VRK3: variants seen among roughly 807,000 people sequenced by gnomAD.
The protein encoded by VRK3 is VRK serine/threonine kinase 3.
Under a neutral mutation model 60.4 loss-of-function variants are expected in VRK3, and 50 were observed. The ratio of observed to expected loss-of-function variants is 0.83; its 90% confidence interval spans 0.66 to 1.05. VRK3 has a LOEUF of 1.05. Ranked by LOEUF, VRK3 falls within the 50% of genes least tolerant of loss-of-function variation. VRK3 has a pLI of 0.00. For synonymous variants in VRK3, 246 were observed against 227.8 expected (o/e 1.08, Z -0.72); for missense variants, 549 against 585.3 (o/e 0.94, Z 0.64).
At chr19:50,002,214 A>G (rs567193848) in intron 5 of VRK3, among the ~76,000 whole-genome samples, 82 of 152,204 alleles carry the variant, frequency 5.4e-4, no homozygotes, top group African/African-American at 1.9e-3. Context: ...GGTATCGTCT[A>G]AGACACTGAG....
intron 6 of VRK3, chr19:50,000,185 G>A (rs1186125642): frequency 6.6e-6 from 1 of 152,654 alleles, no homozygotes; most frequent in East Asian, 1.9e-4. Context: ...TGATGGCGGG[G>A]CTATGAACCA....
Position 49,992,133 on chromosome 19 carries a change from C to T in VRK3, c.963+727G>A, listed in dbSNP as rs1400913748. On this transcript the variant is annotated intron_variant, in intron 10 of 14. Transcript: ENST00000316763. ...AAAAAACAGGTGCATTTTGGCCGGG[C>T]ACGGTGGCTCAGGCCTGTAATCCCA... Among the ~76,000 whole-genome samples, 5 of 152,084 alleles carry T rather than the reference C, an allele frequency of 3.3e-5. No homozygotes were observed. In the East Asian group the frequency reaches 9.6e-4, roughly 29 times the overall value.
At chr19:50,005,953 A>G (rs934689235) in intron 5 of VRK3, among the ~76,000 whole-genome samples, 1 of 149,092 alleles carries the variant, frequency 6.7e-6, no homozygotes, top group South Asian at 2.1e-4. Context: ...CGATGGTTGC[A>G]TAACACTCTG....
chr19:49,981,810 ACACG>A, intron 12 of VRK3: 1 of 1,126,578 alleles, frequency 8.9e-7, no homozygotes, highest in Non-Finnish European at 1.1e-6. Context: ...ACACACACAC[ACACG>A]CACACTGGTC....
At chr19:49,978,168 C>G (rs2076363190) in intron 14 of VRK3, among the ~76,000 whole-genome samples, 1 of 152,136 alleles carries the variant, frequency 6.6e-6, no homozygotes, top group Admixed American at 6.5e-5. Context: ...CACAGGATGT[C>G]AGGCAGCATC....
Position 50,004,636 on chromosome 19 carries a change from A to G in VRK3, c.547+2933T>C, listed in dbSNP as rs532997432. ...ACAGAGAGTTCCCAAAGTGTCTGGC[A>G]TGGGATCCTGCCTGTAATCCCAGCA... On this transcript the variant is annotated intron_variant, in intron 5 of 14. Coordinates refer to ENST00000316763, the MANE Select transcript of VRK3 (RefSeq NM_016440.4). 4.6e-5 allele frequency among the ~76,000 whole-genome samples: 7 copies of G among 152,254 alleles called. No homozygotes were observed. In the South Asian group the frequency reaches 1.5e-3, roughly 32 times the overall value.
intron 14 of VRK3, among the ~76,000 whole-genome samples, chr19:49,977,988 C>T (rs1378130232): frequency 1.3e-5 from 2 of 152,188 alleles, no homozygotes; most frequent in Non-Finnish European, 1.5e-5. Context: ...AATGCAGAAG[C>T]ACTTGTAATC....
chr19:50,001,800 G>C (rs1373891540), intron 5 of VRK3, among the ~76,000 whole-genome samples: 3 of 152,158 alleles, frequency 2.0e-5, no homozygotes, highest in African/African-American at 7.2e-5. Flanking sequence ...TCTGCTCTCT[G>C]TATGACTTTG....
intron 5 of VRK3, among the ~76,000 whole-genome samples, chr19:50,004,812 A>AT (rs1555849585): frequency 6.6e-6 from 1 of 151,876 alleles, no homozygotes; most frequent in Non-Finnish European, 1.5e-5. Context: ...CGGGAGGCTG[A>AT]GGGGGGAGAA....
chr19:50,000,945 T>C (rs917094588), intron 5 of VRK3, 91 bp from the exon 6 acceptor site: 7 of 1,260,216 alleles, frequency 5.6e-6, no homozygotes, highest in African/African-American at 1.5e-5. Context: ...GAAGCGGCTC[T>C]GGTGCCCTGG....
intron 10 of VRK3, among the ~76,000 whole-genome samples, chr19:49,991,238 T>A (rs987796752): frequency 2.6e-5 from 4 of 152,158 alleles, no homozygotes; most frequent in African/African-American, 9.7e-5. Flanking sequence ...ATTATTCTCC[T>A]TAATGTGGGT....
chr19:49,988,481 G>A lies in VRK3; in HGVS notation c.1108C>T (p.Arg370Cys), dbSNP rs35331034. ...DLHKGCGPSR[R>C]SDLQSLGYCM... ...TAGCCCAGGCTCTGGAGGTCGCTGC[G>A]GCGGGAGGGCCCTGGGGAAGGAGGA... Residue 370 changes from arginine (R) to cysteine (C), a missense_variant, in exon 12 of 15, where the codon CGC becomes TGC. Coordinates refer to ENST00000316763, the MANE Select transcript of VRK3 (RefSeq NM_016440.4). 1.3e-3 allele frequency: 2,072 copies of A among 1,613,158 alleles called. 5 individuals are homozygous for A. Among genetic ancestry groups the A allele is most frequent in the Non-Finnish European group, 1.6e-3 (1,869 of 1,179,534 alleles).
rs140584424 is a variant in VRK3 at position 50,001,672 on chromosome 19, C to T, written c.548-818G>A. On this transcript the variant is annotated intron_variant, in intron 5 of 14. Coordinates refer to ENST00000316763, the MANE Select transcript of VRK3 (RefSeq NM_016440.4). ...TACTGTTCATTTACAGACCTCACCA[C>T]GTCTCTGGCCCTGTGCTAAGTGTGG... is the stretch of plus-strand genomic sequence containing the variant. Among the ~76,000 whole-genome samples the T allele has an allele frequency of 1.5e-3, 221 of 152,318 alleles. 1 individual carries two copies. Among genetic ancestry groups the T allele is most frequent in the African/African-American group, 4.8e-3 (200 of 41,578 alleles).
At chr19:50,000,436 G>A (rs963582498) in intron 6 of VRK3, 18 of 321,812 alleles carry the variant, frequency 5.6e-5, no homozygotes, top group East Asian at 1.7e-4. Context: ...GTAGGTGCTC[G>A]ATACGAGCAC....
intron 1 of VRK3, among the ~76,000 whole-genome samples, chr19:50,022,501 G>A (rs1016427585): frequency 6.6e-6 from 1 of 151,878 alleles, no homozygotes; most frequent in Non-Finnish European, 1.5e-5. Context: ...GGCCCATATG[G>A]TGGGTCGGAC....
chr19:50,000,885 A>G (rs2122270686), intron 5 of VRK3, 31 bp from the exon 6 acceptor site: 1 of 1,604,736 alleles, frequency 6.2e-7, no homozygotes, highest in Non-Finnish European at 8.5e-7. Context: ...GAGTGAGGTT[A>G]TAACCACGCG....
At chr19:49,991,549 A>ACACACACACACACC (rs2076613293) in intron 10 of VRK3, among the ~76,000 whole-genome samples, 1 of 151,602 alleles carries the variant, frequency 6.6e-6, no homozygotes, top group African/African-American at 2.4e-5. Flanking sequence ...ACACACACAC[A>ACACACACACACACC]CCCTGCCAGT....
chr19:49,979,998 C>A (rs909589141), intron 13 of VRK3, among the ~76,000 whole-genome samples: 6 of 151,808 alleles, frequency 4.0e-5, no homozygotes, highest in Non-Finnish European at 8.8e-5. Flanking sequence ...TGCAGTGAGC[C>A]AAGATCACGC....
chr19:50,002,498 C>T (rs1012107099), intron 5 of VRK3, among the ~76,000 whole-genome samples: 2 of 152,180 alleles, frequency 1.3e-5, no homozygotes, highest in South Asian at 2.1e-4. Flanking sequence ...AGTAACAGTG[C>T]CTGTCTCTCA....
Sources: allele counts gnomAD v4.1 joint callset (sites outside exome capture counted in the v4.1 genomes callset), GRCh38; gene constraint gnomAD v4.1.1; transcripts MANE v1.5; gene names NCBI Gene and HGNC (gene_info 2026-07-23, HGNC 2026-07-21).